Variants in TMPRSS5 observed in about 807,000 individuals in gnomAD.
The protein encoded by TMPRSS5 is transmembrane serine protease 5.
Under a neutral mutation model 59.7 loss-of-function variants are expected in TMPRSS5, and 45 were observed. The observed-to-expected ratio is 0.75, with a 90% confidence interval of 0.59 to 0.97. The LOEUF is 0.97. Ranked by LOEUF, TMPRSS5 falls within the 50% of genes least tolerant of loss-of-function variation. TMPRSS5 has a pLI of 0.00. For missense variants in TMPRSS5, 585 were observed against 596.7 expected, an observed-to-expected ratio of 0.98 and a Z score of 0.20; for synonymous variants, 225 against 232.0, an observed-to-expected ratio of 0.97 and a Z score of 0.27.
Position 113,690,279 on chromosome 11 carries a change from G to A in TMPRSS5, c.1158C>T (p.Pro386=), listed in dbSNP as rs79480579. The A allele has an allele frequency of 1.3e-3, 2,028 of 1,571,296 alleles. 25 individuals are homozygous for A. The African/African-American group carries it at 0.018, about 14-fold the overall frequency. The change falls in exon 11 of 13, where the codon CCC becomes CCT. Residue 386 remains proline (P), a synonymous_variant. Transcript: ENST00000299882. ...CCAGGTAGCCAGCGCAAAGCATGCG[G>A]GGGGTGAGGGCTCCGCTGTACACGC... is the stretch of plus-strand genomic sequence containing the variant. The part of the protein sequence containing the change: ...SSCVYSGALT[P]RMLCAGYLDG...
At position 113,699,271 on chromosome 11, in the gene TMPRSS5, C is replaced by CT. The variant is rs57881462; in HGVS notation, c.206-245_206-244insA. On this transcript the variant is annotated intron_variant, in intron 3 of 12. Transcript: ENST00000299882. ...TCTCTCTCTCTCTCTCTCTCTCTCT[C>CT]CCTCTCTCTCTCTCTCTCTCTGTCT... 1.4e-3 allele frequency among the ~76,000 whole-genome samples: 134 copies of CT among 99,250 alleles called. 10 individuals are homozygous for CT. Among genetic ancestry groups the CT allele is most frequent in the Middle Eastern group, 5.0e-3 (1 of 202 alleles). 65.1% of individuals were successfully genotyped at this position (99,250 alleles called of 152,430 possible).
chr11:113,702,863 G>T (rs1416532478), intron 1 of TMPRSS5, among the ~76,000 whole-genome samples: 1 of 152,226 alleles, frequency 6.6e-6, no homozygotes. Context: ...AATAACTGAG[G>T]TTTGAAAACC....
chr11:113,699,234 T>C (rs1014858801), intron 3 of TMPRSS5, among the ~76,000 whole-genome samples: 3 of 63,012 alleles, frequency 4.8e-5, no homozygotes, highest in East Asian at 1.1e-3. Flanking sequence ...TCTCTCTCTC[T>C]CTCTCTCTCT....
intron 8 of TMPRSS5, 25 bp from the exon 9 acceptor site, chr11:113,693,274 G>C: frequency 1.3e-6 from 2 of 1,503,932 alleles, no homozygotes; most frequent in Non-Finnish European, 1.8e-6. Context: ...CATGCTGAGC[G>C]GGGAAGGAAG....
Sources: allele counts gnomAD v4.1 joint callset (sites outside exome capture counted in the v4.1 genomes callset), GRCh38; gene constraint gnomAD v4.1.1; transcripts MANE v1.5; gene names NCBI Gene and HGNC (gene_info 2026-07-23, HGNC 2026-07-21).